Variants in MYO16 observed in about 807,000 individuals in gnomAD.
MYO16 encodes unconventional myosin-XVI.
Under a neutral mutation model 205.3 loss-of-function variants are expected in MYO16, and 94 were observed. The observed-to-expected ratio is 0.46, with a 90% CI of 0.39 to 0.54. The LOEUF is 0.54. Among genes scored for constraint, MYO16 ranks in the 20% least tolerant of loss-of-function variants. The pLI, the probability that MYO16 is intolerant of heterozygous loss-of-function variation, is 0.00. For missense variants in MYO16, 2,315 were observed against 2,387.5 expected, an observed-to-expected ratio of 0.97 and a Z score of 0.63; for synonymous variants, 988 against 954.0, an observed-to-expected ratio of 1.04 and a Z score of -0.66.
chr13:109,083,368 A>G (rs1252244607), intron 27 of MYO16, among the ~76,000 whole-genome samples: 3 of 114,100 alleles, frequency 2.6e-5, no homozygotes, highest in Non-Finnish European at 5.1e-5. Context: ...GGGCAAAAAG[A>G]GGGAAACTCC....
chr13:109,136,485 T>A (rs959004790), intron 31 of MYO16, among the ~76,000 whole-genome samples: 1 of 152,214 alleles, frequency 6.6e-6, no homozygotes, highest in African/African-American at 2.4e-5. Flanking sequence ...TTCTTGTTCC[T>A]TTATAGTGAA....
chr13:108,704,704 A>G (rs1883437064), intron 2 of MYO16, among the ~76,000 whole-genome samples: 1 of 152,116 alleles, frequency 6.6e-6, no homozygotes. Flanking sequence ...CCCAAAGTCC[A>G]TAGTAATAAA....
chr13:108,702,538 A>C lies in MYO16; in HGVS notation c.293-10123A>C, dbSNP rs7994021. On this transcript the variant is annotated intron_variant, in intron 2 of 34. Coordinates refer to ENST00000457511, the MANE Select transcript of MYO16 (RefSeq NM_001198950.3). Reference sequence around the variant, plus strand: ...TTACTAACAGGTCTGCCCTTCATGAAATAGCAAAGGGAAACTTTCAGGCTG... The same window carrying C: ...TTACTAACAGGTCTGCCCTTCATGACATAGCAAAGGGAAACTTTCAGGCTG... Among the ~76,000 whole-genome samples, 578 of 152,292 alleles carry C rather than the reference A, an allele frequency of 3.8e-3. 7 individuals carry two copies. Among genetic ancestry groups the C allele is most frequent in the African/African-American group, 0.014 (564 of 41,558 alleles).
chr13:108,796,652 C>T (rs1362265906), intron 6 of MYO16, among the ~76,000 whole-genome samples: 1 of 151,678 alleles, frequency 6.6e-6, no homozygotes, highest in Non-Finnish European at 1.5e-5. Context: ...TCATTTTCAG[C>T]AAACTATCGC....
At chr13:108,957,939 C>A in intron 17 of MYO16, 140 bp downstream of exon 17, 2 of 654,372 alleles carry the variant, frequency 3.1e-6, no homozygotes, top group Non-Finnish European at 2.7e-6. Flanking sequence ...AGACAACAAG[C>A]CCCAATCCCT....
intron 29 of MYO16, among the ~76,000 whole-genome samples, chr13:109,122,374 A>G (rs562115614): frequency 8.2e-4 from 125 of 152,334 alleles, no homozygotes; most frequent in African/African-American, 3.0e-3. Flanking sequence ...TTCTAAAGAT[A>G]AAAATTAAGA....
the MYO16 span, among the ~76,000 whole-genome samples, chr13:108,521,281 G>A: frequency 2.0e-5 from 3 of 152,210 alleles, no homozygotes; most frequent in South Asian, 2.1e-4. Context: ...GAGACTTCAC[G>A]AGGGTGTTGT....
At chr13:108,945,676 T>C (rs1355880027) in intron 16 of MYO16, among the ~76,000 whole-genome samples, 2 of 152,230 alleles carry the variant, frequency 1.3e-5, no homozygotes, top group African/African-American at 4.8e-5. Flanking sequence ...GAGTCTATTC[T>C]GAAATAGCCA....
intron 12 of MYO16, among the ~76,000 whole-genome samples, chr13:108,874,124 C>G (rs978510355): frequency 6.6e-6 from 1 of 152,068 alleles, no homozygotes; most frequent in South Asian, 2.1e-4. Context: ...TAGCTGAGAA[C>G]AACAATTAAA....
At chr13:108,857,813 G>A (rs548708456) in intron 11 of MYO16, among the ~76,000 whole-genome samples, 1 of 152,166 alleles carries the variant, frequency 6.6e-6, no homozygotes, top group South Asian at 2.1e-4. Flanking sequence ...CCTCCACACA[G>A]TGGACTATCT....
At chr13:108,843,890 C>A (rs570952184) in intron 9 of MYO16, among the ~76,000 whole-genome samples, 1 of 151,958 alleles carries the variant, frequency 6.6e-6, no homozygotes, top group Non-Finnish European at 1.5e-5. Flanking sequence ...ATTATTCCAT[C>A]GCAAACTTGA....
intron 3 of MYO16, among the ~76,000 whole-genome samples, chr13:108,723,350 T>G (rs775168427): frequency 1.3e-5 from 2 of 152,184 alleles, no homozygotes; most frequent in Non-Finnish European, 2.9e-5. Context: ...GTAGAGGATT[T>G]TTGTTTTAAT....
chr13:108,803,287 A>G (rs1484647561), intron 6 of MYO16, among the ~76,000 whole-genome samples: 3 of 152,194 alleles, frequency 2.0e-5, no homozygotes, highest in Admixed American at 6.5e-5. Flanking sequence ...GAAAACAATG[A>G]TAGTGCTACT....
chr13:109,179,965 A>G lies in MYO16; in HGVS notation c.5415+332A>G, dbSNP rs145698108. Among the ~76,000 whole-genome samples the G allele has an allele frequency of 1.6e-3, 247 of 152,344 alleles. 3 individuals carry two copies. In the East Asian group the frequency reaches 0.033, roughly 20 times the overall value. On this transcript the variant is annotated intron_variant, in intron 34 of 34. Coordinates refer to ENST00000457511, the MANE Select transcript of MYO16 (RefSeq NM_001198950.3). ...AATCTGCTGAATGAAGTTGCTATGC[A>G]TTTGACCTTGGCTAAAATAGGATGA...
chr13:109,067,933 AATAACTTCCT>A (rs1414769453), intron 27 of MYO16, among the ~76,000 whole-genome samples: 2 of 152,204 alleles, frequency 1.3e-5, no homozygotes, highest in African/African-American at 4.8e-5. Flanking sequence ...AAAAGTCTTT[AATAACTTCCT>A]AACAACCTAA....
the MYO16 span, among the ~76,000 whole-genome samples, chr13:108,561,256 G>C: frequency 8.1e-4 from 124 of 152,276 alleles, no homozygotes; most frequent in Non-Finnish European, 1.4e-3. Flanking sequence ...ACATACTATG[G>C]ACTGTCTCTT....
intron 4 of MYO16, among the ~76,000 whole-genome samples, chr13:108,733,175 C>A (rs1196342919): frequency 6.6e-6 from 1 of 152,136 alleles, no homozygotes; most frequent in African/African-American, 2.4e-5. Flanking sequence ...TACCTAACAG[C>A]ACTGGAACAG....
rs1240526495 is a variant in MYO16, at chr13:109,112,052, A to G, written c.3439-8318A>G. On this transcript the variant is annotated intron_variant, in intron 28 of 34. Transcript: ENST00000457511. ...CCTGACAACAGTAATGATATTATTC[A>G]GTGAAAACTCCATTCATAAGAATGC... Among the ~76,000 whole-genome samples, 4 of 152,344 alleles carry G rather than the reference A, an allele frequency of 2.6e-5. No homozygotes were observed. In the East Asian group the frequency reaches 7.7e-4, roughly 29 times the overall value.
intron 4 of MYO16, among the ~76,000 whole-genome samples, chr13:108,764,261 G>A (rs1288101587): frequency 6.6e-6 from 1 of 152,138 alleles, no homozygotes; most frequent in Admixed American, 6.6e-5. Context: ...AGAAATATAG[G>A]TGTTGGTGCC....
Sources: allele counts gnomAD v4.1 joint callset (sites outside exome capture counted in the v4.1 genomes callset), GRCh38; gene constraint gnomAD v4.1.1; transcripts MANE v1.5; gene names NCBI Gene and HGNC (gene_info 2026-07-23, HGNC 2026-07-21).